VIRMA: variants seen among roughly 807,000 people sequenced by gnomAD.
VIRMA encodes the protein vir like m6A methyltransferase associated, also known as protein virilizer homolog.
VIRMA carries 65 observed loss-of-function variants against 182.4 expected under a neutral mutation model. The ratio of observed to expected loss-of-function variants is 0.36; its 90% CI spans 0.29 to 0.44. The LOEUF (loss-of-function observed/expected upper bound fraction) is 0.44, where lower values mean the gene tolerates loss of function less well. Ranked by LOEUF, VIRMA falls within the 20% of genes least tolerant of loss-of-function variation. The pLI, the probability that VIRMA is intolerant of heterozygous loss-of-function variation, is 1.00. For missense variants in VIRMA, 1,752 were observed against 2,158.1 expected (o/e 0.81, Z 3.73); for synonymous variants, 709 against 743.1 (o/e 0.95, Z 0.75).
At chr8:94,488,895 G>A (rs1813530943) in intron 23 of VIRMA, 35 bp from the exon 24 acceptor site, 3 of 1,593,018 alleles carry the variant, frequency 1.9e-6, no homozygotes, top group Non-Finnish European at 2.6e-6. Context: ...TAGTTCCAAT[G>A]TCCTTTCTTT....
chr8:94,490,705 G>A (rs965442531), intron 22 of VIRMA, among the ~76,000 whole-genome samples: 1 of 151,928 alleles, frequency 6.6e-6, no homozygotes, highest in African/African-American at 2.4e-5. Context: ...AAATTAGCCG[G>A]GTGTGGTGGC....
In VIRMA at chr8:94,553,458, G is replaced by A. The variant is rs534854562; in HGVS notation, c.-11C>T. On this transcript the variant is annotated 5_prime_UTR_variant, in exon 1 of 24. Coordinates refer to ENST00000297591, the MANE Select transcript of VIRMA (RefSeq NM_015496.5). ...CGAGTCCACCGCCATGTTTGCCGCGGGCGGGGAACAGGGGGGAGGACTTCC... is the reference window on the plus strand; with the variant it reads ...CGAGTCCACCGCCATGTTTGCCGCGAGCGGGGAACAGGGGGGAGGACTTCC... 42 of 1,613,972 alleles carry A rather than the reference G, an allele frequency of 2.6e-5. No homozygotes were observed. Among genetic ancestry groups the A allele is most frequent in the Middle Eastern group, 1.7e-4 (1 of 6,026 alleles).
chr8:94,508,483 T>C (rs1179888406), intron 15 of VIRMA, among the ~76,000 whole-genome samples: 1 of 152,158 alleles, frequency 6.6e-6, no homozygotes, highest in Non-Finnish European at 1.5e-5. Flanking sequence ...GCTTAAACTA[T>C]ACAACAAGGC....
intron 2 of VIRMA, among the ~76,000 whole-genome samples, chr8:94,540,077 ACC>A (rs1384264691): frequency 6.6e-6 from 1 of 152,176 alleles, no homozygotes; most frequent in Non-Finnish European, 1.5e-5. Context: ...ACAAAGACAC[ACC>A]ATTTGATGCA....
intron 16 of VIRMA, among the ~76,000 whole-genome samples, chr8:94,503,802 A>T (rs1814068089): frequency 6.6e-6 from 1 of 152,152 alleles, no homozygotes; most frequent in African/African-American, 2.4e-5. Context: ...AAAACTTTTT[A>T]AAAAAGTGTA....
chr8:94,548,199 G>A (rs1815843144), intron 1 of VIRMA, among the ~76,000 whole-genome samples: 1 of 149,084 alleles, frequency 6.7e-6, no homozygotes, highest in Non-Finnish European at 1.5e-5. Context: ...CCTCATACAT[G>A]TATTACCTAG....
In VIRMA at chr8:94,511,268, A is replaced by G; in HGVS notation, c.3307T>C (p.Leu1103=). 1.2e-6 allele frequency: 2 copies of G among 1,614,076 alleles called. No individual in the cohort carries two copies. Among genetic ancestry groups the G allele is most frequent in the East Asian group, 2.2e-5 (1 of 44,860 alleles). ...GAAAAAAATCCTTCAGGAACCTTCA[A>G]GATTGAAGAAAGAACTTCTTTTAAC... The part of the protein sequence containing the change: ...LMLKEVLSSI[L]KVPEGFFSGL... The change falls in exon 13 of 24, where the codon TTG becomes CTG. Residue 1103 remains leucine (L), a synonymous_variant. Coordinates refer to ENST00000297591, the MANE Select transcript of VIRMA (RefSeq NM_015496.5).
chr8:94,491,459 G>T, intron 22 of VIRMA, 119 bp downstream of exon 22: 1 of 914,458 alleles, frequency 1.1e-6, no homozygotes, highest in Non-Finnish European at 1.7e-6. Flanking sequence ...TCCAGAGGTG[G>T]CTCAACTGCA....
intron 1 of VIRMA, among the ~76,000 whole-genome samples, chr8:94,551,011 C>T (rs1045616362): frequency 4.6e-5 from 7 of 152,204 alleles, no homozygotes; most frequent in African/African-American, 1.4e-4. Flanking sequence ...TGAGCCACTG[C>T]GCCTGGCCTA....
Position 94,491,602 on chromosome 8 carries a change from A to G in VIRMA, c.5116T>C (p.Phe1706Leu). 6.2e-7 allele frequency: 1 copy of G among 1,613,312 alleles called. No individual in the cohort carries two copies. Among genetic ancestry groups the G allele is most frequent in the Non-Finnish European group, 8.5e-7 (1 of 1,179,394 alleles). ...CCTTTTGAAGCAGGTGGTGTGAAAA[A>G]CCTATTCTGACTGTGGAAAGCACCC... ...GRGAFHSQNR[F>L]FTPPASKGNY... is the part of the protein sequence containing the mutation. The change falls in exon 22 of 24, where the codon TTT (phenylalanine) becomes CTT (leucine). Residue 1706 changes from phenylalanine (F) to leucine (L), a missense_variant. Coordinates refer to ENST00000297591, the MANE Select transcript of VIRMA (RefSeq NM_015496.5).
intron 7 of VIRMA, among the ~76,000 whole-genome samples, chr8:94,528,052 G>A (rs1394034564): frequency 6.6e-6 from 1 of 151,950 alleles, no homozygotes; most frequent in Non-Finnish European, 1.5e-5. Flanking sequence ...GGCCAACATG[G>A]TGAAACCCTG....
In VIRMA at chr8:94,526,776, G is replaced by A; in HGVS notation, c.1468C>T (p.Leu490=). ...AGVISGLFEL[L]FADHVSSSLK... ...GAAGATGATACGTGATCAGCAAACAGAAGTTCAAATAATCCACTGATCACT... is the reference window on the plus strand; with the variant it reads ...GAAGATGATACGTGATCAGCAAACAAAAGTTCAAATAATCCACTGATCACT... The change falls in exon 8 of 24, where the codon CTG becomes TTG. Residue 490 remains leucine (L), a synonymous_variant. Coordinates refer to ENST00000297591, the MANE Select transcript of VIRMA (RefSeq NM_015496.5). The A allele has an allele frequency of 6.2e-7, 1 of 1,614,064 alleles. No homozygotes were observed. The highest frequency in any genetic ancestry group is 1.1e-5 in the South Asian group (1 of 91,090).
intron 5 of VIRMA, 125 bp downstream of exon 5, chr8:94,534,714 T>C (rs1815277490): frequency 2.1e-6 from 2 of 944,072 alleles, no homozygotes; most frequent in Non-Finnish European, 3.0e-6. Flanking sequence ...TCTCCCCCTC[T>C]CTTCCTCTCT....
intron 3 of VIRMA, 101 bp from the exon 4 acceptor site, chr8:94,537,252 T>C (rs186100064): frequency 4.4e-4 from 352 of 806,778 alleles, no homozygotes; most frequent in Admixed American, 1.0e-3. Context: ...AATCAAATGC[T>C]AGATTTTTGT....
chr8:94,544,662 CAAAAAA>C (rs11364603), intron 1 of VIRMA, among the ~76,000 whole-genome samples: 1 of 94,486 alleles, frequency 1.1e-5, no homozygotes, highest in Admixed American at 1.2e-4. Context: ...GACTCTGTCT[CAAAAAA>C]AAAAAAAAAA....
At chr8:94,505,948 CAAATTTT>C (rs2130292319) in intron 16 of VIRMA, among the ~76,000 whole-genome samples, 1 of 152,046 alleles carries the variant, frequency 6.6e-6, no homozygotes, top group Non-Finnish European at 1.5e-5. Context: ...TAAAAAAATA[CAAATTTT>C]AAGATACAGC....
At chr8:94,536,978 C>CA (rs1344566794) in intron 4 of VIRMA, 125 bp downstream of exon 4, 8 of 739,484 alleles carry the variant, frequency 1.1e-5, no homozygotes, top group African/African-American at 1.1e-4. Context: ...GACTCCGTCT[C>CA]AAAAAACACA....
At chr8:94,511,008 AC>A in intron 13 of VIRMA, 176 bp downstream of exon 13, 2 of 1,310,242 alleles carry the variant, frequency 1.5e-6, no homozygotes, top group African/African-American at 1.5e-5. Context: ...TTAAAATGTT[AC>A]CCCCATATTT....
In VIRMA at chr8:94,509,741, G is replaced by A. The variant is rs1284853938; in HGVS notation, c.3826C>T (p.Arg1276Cys). 11 of 1,613,746 alleles carry A rather than the reference G, an allele frequency of 6.8e-6. No homozygotes were observed. The highest frequency in any genetic ancestry group is 2.7e-5 in the African/African-American group (2 of 74,904). The change falls in exon 15 of 24, where the codon CGC (arginine) becomes TGC (cysteine). Residue 1276 changes from arginine to cysteine, a missense_variant. By Grantham distance (180) the Arg-to-Cys change is radical (BLOSUM62 -3). Transcript: ENST00000297591. ...LVRSPGDSVIRQQCVEYVTSI... is the reference protein window; with the variant it reads ...LVRSPGDSVICQQCVEYVTSI... ...GTGACATATTCAACACACTGTTGGC[G>A]AATAACACTGTCTCCAGGAGACCGC...
Sources: gnomAD v4.1 joint callset for allele counts (sites outside exome capture counted in the v4.1 genomes callset) on GRCh38, gnomAD v4.1.1 for gene constraint, MANE v1.5 for transcripts, NCBI Gene and HGNC (gene_info 2026-07-23, HGNC 2026-07-21) for gene names.